SYNE1: variants seen among roughly 807,000 people sequenced by gnomAD.
SYNE1 encodes nesprin-1.
A neutral mutation model predicts 1,111.0 loss-of-function variants in SYNE1; 616 were observed. The ratio of observed to expected loss-of-function variants is 0.55; its 90% CI spans 0.52 to 0.59. The LOEUF is 0.59. Ranked by LOEUF, SYNE1 falls within the 20% of genes least tolerant of loss-of-function variation. The pLI is 0.00. For synonymous variants in SYNE1, 3,855 were observed against 3,825.8 expected, an observed-to-expected ratio of 1.01 and a Z score of -0.28; for missense variants, 10,006 against 10,417.0, an observed-to-expected ratio of 0.96 and a Z score of 1.72.
chr6:152,500,024 GT>G (rs1232411477), intron 10 of SYNE1, among the ~76,000 whole-genome samples: 4 of 152,044 alleles, frequency 2.6e-5, no homozygotes, highest in African/African-American at 4.8e-5. Context: ...ATCTCCTTTT[GT>G]TTTTTTAGAT....
intron 91 of SYNE1, among the ~76,000 whole-genome samples, chr6:152,306,258 G>A (rs2095368654): frequency 6.6e-6 from 1 of 152,180 alleles, no homozygotes; most frequent in Non-Finnish European, 1.5e-5. Flanking sequence ...GGCCAAGGTA[G>A]ATGGATCACT....
chr6:152,295,103 A>T (rs1025249932), intron 93 of SYNE1, among the ~76,000 whole-genome samples: 1 of 152,230 alleles, frequency 6.6e-6, no homozygotes, highest in East Asian at 1.9e-4. Flanking sequence ...TCAGACTGGG[A>T]CAGCTGAGAT....
intron 133 of SYNE1, among the ~76,000 whole-genome samples, chr6:152,154,484 A>G (rs1001400991): frequency 3.4e-5 from 5 of 148,294 alleles, no homozygotes; most frequent in African/African-American, 1.0e-4. Context: ...ACACACACAC[A>G]CTGCGATTAG....
intron 44 of SYNE1, among the ~76,000 whole-genome samples, chr6:152,407,880 G>C (rs1334550487): frequency 6.6e-6 from 1 of 150,810 alleles, no homozygotes; most frequent in Non-Finnish European, 1.5e-5. Flanking sequence ...TCCCACCTCA[G>C]CCTCCACAGT....
intron 78 of SYNE1, 135 bp downstream of exon 78, chr6:152,329,595 T>G: frequency 8.7e-7 from 1 of 1,155,564 alleles, no homozygotes; most frequent in Non-Finnish European, 1.2e-6. Context: ...TTTAAGTCAC[T>G]GCTGAAGATG....
chr6:152,614,303 C>G (rs1712975333), intron 3 of SYNE1, among the ~76,000 whole-genome samples: 1 of 152,032 alleles, frequency 6.6e-6, no homozygotes, highest in African/African-American at 2.4e-5. Flanking sequence ...ACAAACAACC[C>G]CATCAAAAAG....
At chr6:152,165,416 T>C (rs1174972134) in intron 130 of SYNE1, among the ~76,000 whole-genome samples, 1 of 152,222 alleles carries the variant, frequency 6.6e-6, no homozygotes, top group African/African-American at 2.4e-5. Flanking sequence ...CAAAGCACTG[T>C]CATATAAATG....
intron 85 of SYNE1, 81 bp from the exon 86 acceptor site, chr6:152,318,344 G>A: frequency 7.0e-7 from 1 of 1,432,456 alleles, no homozygotes; most frequent in Non-Finnish European, 9.7e-7. Context: ...ACTGATTTTT[G>A]TCAAAGCCAA....
intron 74 of SYNE1, among the ~76,000 whole-genome samples, chr6:152,342,657 G>A (rs1007100231): frequency 2.0e-5 from 3 of 152,048 alleles, no homozygotes; most frequent in Non-Finnish European, 2.9e-5. Flanking sequence ...CTGTTAATTC[G>A]TATCTGGCAG....
intron 121 of SYNE1, 143 bp downstream of exon 121, chr6:152,218,114 C>T (rs983608974): frequency 9.5e-6 from 9 of 950,030 alleles, no homozygotes; most frequent in Admixed American, 1.8e-5. Flanking sequence ...ATCGCTTGAA[C>T]CCGGAAAGCA....
At chr6:152,510,416 GTTA>G (rs1268338748) in intron 7 of SYNE1, 45 bp from the exon 8 acceptor site, 5 of 1,592,458 alleles carry the variant, frequency 3.1e-6, no homozygotes, top group African/African-American at 1.3e-5. Flanking sequence ...CATTATCTTT[GTTA>G]TTATTTCCTC....
chr6:152,451,485 T>A (rs1013905039), intron 25 of SYNE1, among the ~76,000 whole-genome samples: 1 of 138,700 alleles, frequency 7.2e-6, no homozygotes, highest in Non-Finnish European at 1.6e-5. Flanking sequence ...TTTTTTTTTT[T>A]TTTTTTTTTT....
Position 152,239,512 on chromosome 6 carries a change from AT to A in SYNE1, c.20067+20del, listed in dbSNP as rs1324045213. On this transcript the variant is annotated intron_variant, in intron 108 of 145. Transcript: ENST00000367255. Reference sequence around the variant, plus strand: ...CAGCAGGAAGTTTGCAGCACAGAAGATATGACATCAATGGTCTCACCTCTAG... The same window carrying A: ...CAGCAGGAAGTTTGCAGCACAGAAGAATGACATCAATGGTCTCACCTCTAG... The A allele has an allele frequency of 6.2e-6, 10 of 1,614,040 alleles. No individual in the cohort carries two copies. The highest frequency in any genetic ancestry group is 6.8e-6 in the Non-Finnish European group (8 of 1,180,008).
intron 77 of SYNE1, among the ~76,000 whole-genome samples, chr6:152,333,360 G>A (rs2096293397): frequency 6.6e-6 from 1 of 151,958 alleles, no homozygotes; most frequent in African/African-American, 2.4e-5. Context: ...AAGAAACTAG[G>A]GAGCATATAG....
At chr6:152,311,589 C>G (rs2095547998) in intron 87 of SYNE1, among the ~76,000 whole-genome samples, 1 of 152,132 alleles carries the variant, frequency 6.6e-6, no homozygotes, top group Non-Finnish European at 1.5e-5. Flanking sequence ...AGAATCACAT[C>G]TGAGCCCAGT....
intron 4 of SYNE1, among the ~76,000 whole-genome samples, chr6:152,536,607 G>T (rs1185098610): frequency 6.6e-6 from 1 of 150,930 alleles, no homozygotes; most frequent in Non-Finnish European, 1.5e-5. Context: ...AAATCGAATG[G>T]GTTCACCTTT....
At chr6:152,348,849 C>T (rs2096688513) in intron 72 of SYNE1, among the ~76,000 whole-genome samples, 2 of 151,724 alleles carry the variant, frequency 1.3e-5, no homozygotes, top group South Asian at 2.1e-4. Context: ...CCTGGGTGGC[C>T]CTTCAGCAGT....
intron 3 of SYNE1, among the ~76,000 whole-genome samples, chr6:152,605,085 G>T (rs1193147091): frequency 1.6e-5 from 1 of 61,424 alleles, no homozygotes; most frequent in Non-Finnish European, 3.5e-5. Flanking sequence ...AAGAAGGAAG[G>T]AAGGAAGGAA....
intron 42 of SYNE1, 144 bp from the exon 43 acceptor site, chr6:152,409,853 G>T: frequency 1.2e-6 from 1 of 861,942 alleles, no homozygotes; most frequent in Non-Finnish European, 1.8e-6. Flanking sequence ...AACTAGTGCT[G>T]CTGGTTAATC....
Sources: gnomAD v4.1 joint callset for allele counts (sites outside exome capture counted in the v4.1 genomes callset) on GRCh38, gnomAD v4.1.1 for gene constraint, MANE v1.5 for transcripts, NCBI Gene and HGNC (gene_info 2026-07-23, HGNC 2026-07-21) for gene names.